NAALADL2: variants seen among roughly 807,000 people sequenced by gnomAD.
NAALADL2 encodes N-acetylated alpha-linked acidic dipeptidase like 2, also known as inactive N-acetylated-alpha-linked acidic dipeptidase-like protein 2.
A neutral mutation model predicts 87.2 loss-of-function variants in NAALADL2; 76 were observed. That is an observed-to-expected ratio of 0.87 (90% CI 0.72 to 1.05). The LOEUF (loss-of-function observed/expected upper bound fraction) is 1.05, where lower values mean the gene tolerates loss of function less well. NAALADL2 is among the 50% of genes least tolerant of loss of function. NAALADL2 has a pLI of 0.00. For missense variants in NAALADL2, 1,089 were observed against 945.8 expected (o/e 1.15, Z -1.99); for synonymous variants, 354 against 331.0 (o/e 1.07, Z -0.75).
rs908500314 is a variant in NAALADL2, at chr3:175,704,693, T to C, written c.1897-32613T>C. Among the ~76,000 whole-genome samples, 4 of 152,138 alleles carry C rather than the reference T, an allele frequency of 2.6e-5. No homozygotes were observed. In the South Asian group the frequency reaches 8.3e-4, roughly 32 times the overall value. ...TGATCTATACCTTTGTTTCTCCAAA[T>C]CTTTAAAATTGGATATTTTGGTGAC... On this transcript the variant is annotated intron_variant, in intron 11 of 13. Coordinates refer to ENST00000454872, the MANE Select transcript of NAALADL2 (RefSeq NM_207015.3).
At chr3:175,689,922 CA>C (rs777575768) in intron 11 of NAALADL2, among the ~76,000 whole-genome samples, 26 of 151,962 alleles carry the variant, frequency 1.7e-4, no homozygotes, top group Non-Finnish European at 3.5e-4. Context: ...CACTAAATTC[CA>C]ACTTTGGAAT....
intron 1 of NAALADL2, among the ~76,000 whole-genome samples, chr3:174,461,092 G>A (rs781586692): frequency 9.9e-5 from 15 of 151,984 alleles, no homozygotes; most frequent in Non-Finnish European, 1.9e-4. Flanking sequence ...GCAGCTTGAG[G>A]GCCATAAGTA....
intron 4 of NAALADL2, among the ~76,000 whole-genome samples, chr3:175,271,876 A>G (rs1167067856): frequency 6.6e-6 from 1 of 152,082 alleles, no homozygotes; most frequent in South Asian, 2.1e-4. Flanking sequence ...ATCTTATAAA[A>G]TAAGACTGAT....
upstream of NAALADL2, among the ~76,000 whole-genome samples, chr3:174,855,809 CACACACACACAT>C (rs1344269632): frequency 3.2e-3 from 476 of 148,600 alleles, 7 homozygotes; most frequent in African/African-American, 0.011. Context: ...CACACACACA[CACACACACACAT>C]GTATATGTCT....
intron 2 of NAALADL2, among the ~76,000 whole-genome samples, chr3:174,705,049 G>C (rs1729924598): frequency 6.6e-6 from 1 of 152,250 alleles, no homozygotes; most frequent in South Asian, 2.1e-4. Context: ...TATTTACCCA[G>C]TTTTTACAGT....
At chr3:174,712,784 T>A (rs1364492651) in intron 2 of NAALADL2, among the ~76,000 whole-genome samples, 1 of 152,114 alleles carries the variant, frequency 6.6e-6, no homozygotes, top group East Asian at 1.9e-4. Flanking sequence ...AATATTTTGG[T>A]GTATTTCTTT....
chr3:174,552,939 T>C (rs1037498586), intron 2 of NAALADL2, among the ~76,000 whole-genome samples: 1 of 151,914 alleles, frequency 6.6e-6, no homozygotes. Context: ...GGGGGCAAGA[T>C]AGGTGACTAT....
chr3:175,350,719 CAT>C lies in NAALADL2; in HGVS notation c.1090+26395_1090+26396del, dbSNP rs369817710. Among the ~76,000 whole-genome samples the C allele has an allele frequency of 8.5e-4, 130 of 152,256 alleles. 2 individuals are homozygous for C. The highest frequency in any genetic ancestry group is 3.4e-3 in the Middle Eastern group (1 of 294). On this transcript the variant is annotated intron_variant, in intron 5 of 13. Transcript: ENST00000454872. ...TAGGGAGAAGTCTCTCACTTTAAGA[CAT>C]GTGTGTGGAAGAGCCAAGAAGTATT...
At chr3:174,974,361 A>G (rs749146253) in intron 1 of NAALADL2, among the ~76,000 whole-genome samples, 3 of 152,204 alleles carry the variant, frequency 2.0e-5, no homozygotes, top group African/African-American at 7.2e-5. Flanking sequence ...TCATTTGTCC[A>G]ATAAATTTTT....
intron 2 of NAALADL2, among the ~76,000 whole-genome samples, chr3:175,226,265 C>G (rs1354374111): frequency 6.6e-6 from 1 of 152,062 alleles, no homozygotes; most frequent in Non-Finnish European, 1.5e-5. Flanking sequence ...TTTTCTTCTT[C>G]TTTGTTCAGA....
At chr3:175,366,961 T>A (rs1158586077) in intron 5 of NAALADL2, among the ~76,000 whole-genome samples, 4 of 151,816 alleles carry the variant, frequency 2.6e-5, no homozygotes, top group Admixed American at 2.0e-4. Flanking sequence ...TGGTAATGCC[T>A]AGGTTTTCTT....
At chr3:175,110,933 G>T (rs1191517017) in intron 2 of NAALADL2, among the ~76,000 whole-genome samples, 1 of 151,688 alleles carries the variant, frequency 6.6e-6, no homozygotes, top group East Asian at 1.9e-4. Context: ...CTGCCTGATG[G>T]TTCCAGAGGG....
chr3:175,099,550 A>G (rs1209703130), intron 2 of NAALADL2, among the ~76,000 whole-genome samples: 1 of 152,212 alleles, frequency 6.6e-6, no homozygotes, highest in Non-Finnish European at 1.5e-5. Flanking sequence ...ACCACATGTC[A>G]TTATGAGTCT....
intron 2 of NAALADL2, among the ~76,000 whole-genome samples, chr3:174,647,293 A>G (rs545253727): frequency 2.6e-5 from 4 of 152,314 alleles, no homozygotes; most frequent in South Asian, 4.1e-4. Flanking sequence ...CTTGGTCTCA[A>G]TGTTAGAACT....
chr3:174,976,272 T>A (rs1350864427), intron 1 of NAALADL2, among the ~76,000 whole-genome samples: 1 of 152,210 alleles, frequency 6.6e-6, no homozygotes, highest in Non-Finnish European at 1.5e-5. Flanking sequence ...TTAATCAGGA[T>A]GTTTAAATAT....
At chr3:174,854,784 A>T (rs1190375022), upstream of NAALADL2, among the ~76,000 whole-genome samples, 2 of 149,890 alleles carry the variant, frequency 1.3e-5, no homozygotes, top group African/African-American at 4.9e-5. Context: ...CATTGTTTTT[A>T]TTATCAAATA....
chr3:174,897,705 A>G (rs1217869680), intron 1 of NAALADL2, among the ~76,000 whole-genome samples: 3 of 152,204 alleles, frequency 2.0e-5, no homozygotes, highest in Admixed American at 6.5e-5. Flanking sequence ...TATGAAAGAT[A>G]TATCTGCACT....
intron 5 of NAALADL2, among the ~76,000 whole-genome samples, chr3:175,338,397 G>A (rs570751388): frequency 4.6e-5 from 7 of 151,544 alleles, no homozygotes; most frequent in Non-Finnish European, 7.4e-5. Flanking sequence ...GATGCTGCAG[G>A]GCGGTATAAA....
intron 2 of NAALADL2, among the ~76,000 whole-genome samples, chr3:175,210,765 G>A (rs1741659102): frequency 6.6e-6 from 1 of 151,464 alleles, no homozygotes; most frequent in Non-Finnish European, 1.5e-5. Flanking sequence ...AAAAAGCATG[G>A]TTCCTAATCC....
Sources: gnomAD v4.1 joint callset for allele counts (sites outside exome capture counted in the v4.1 genomes callset) on GRCh38, gnomAD v4.1.1 for gene constraint, MANE v1.5 for transcripts, NCBI Gene and HGNC (gene_info 2026-07-23, HGNC 2026-07-21) for gene names.